The following ZNF215 variants were observed in gnomAD, a reference collection of about 807,000 sequenced individuals.
The protein encoded by ZNF215 is BWSCR2-associated zinc finger protein 2.
Under a neutral mutation model 27.2 loss-of-function variants are expected in ZNF215, and 24 were observed. The observed-to-expected ratio is 0.88, with a 90% CI of 0.64 to 1.24. The LOEUF (loss-of-function observed/expected upper bound fraction) is 1.24, where lower values mean the gene tolerates loss of function less well. Among genes scored for constraint, ZNF215 ranks in the 50% most tolerant of loss-of-function variants. The pLI, the probability that ZNF215 is intolerant of heterozygous loss-of-function variation, is 0.00. For missense variants in ZNF215, 675 were observed against 605.7 expected (o/e 1.11, Z -1.20); for synonymous variants, 210 against 204.0 (o/e 1.03, Z -0.25).
rs1590045417 is a variant in ZNF215 at position 6,932,618 on chromosome 11, A to G, written c.346A>G (p.Ser116Gly). Residue 116 changes from serine (S) to glycine (G), a missense_variant, in exon 3 of 7, where the codon AGT becomes GGT. Transcript: ENST00000278319. ...GGTGAATTTACAACATCCAAACAAC[A>G]GTAAAGATATGGTGACCCTCATAGA... ...TWVNLQHPNN[S>G]KDMVTLIEDV... 2.5e-6 allele frequency: 4 copies of G among 1,614,148 alleles called. No homozygotes were observed. Among genetic ancestry groups the G allele is most frequent in the Non-Finnish European group, 2.5e-6 (3 of 1,179,988 alleles).
At chr11:6,927,496 G>A (rs1849096128) in intron 1 of ZNF215, among the ~76,000 whole-genome samples, 166 bp from the exon 2 acceptor site, 1 of 152,152 alleles carries the variant, frequency 6.6e-6, no homozygotes, top group Admixed American at 6.5e-5. Context: ...CCGTAGAACT[G>A]GTGCCACCTG....
At chr11:6,972,730 G>C (rs1373958180) in intron 5 of ZNF215, among the ~76,000 whole-genome samples, 2 of 152,182 alleles carry the variant, frequency 1.3e-5, no homozygotes, top group Non-Finnish European at 2.9e-5. Context: ...AATTTTGACA[G>C]AGATGAAACT....
At chr11:6,966,208 C>T (rs1448877467) in intron 5 of ZNF215, among the ~76,000 whole-genome samples, 2 of 152,052 alleles carry the variant, frequency 1.3e-5, no homozygotes, top group African/African-American at 2.4e-5. Flanking sequence ...TCCTTTGCAG[C>T]GGCATGGATG....
chr11:6,938,241 G>C (rs1415583157), intron 3 of ZNF215, among the ~76,000 whole-genome samples: 2 of 151,992 alleles, frequency 1.3e-5, no homozygotes, highest in East Asian at 1.9e-4. Context: ...AGGAATAAAT[G>C]TTCAGGATCA....
intron 6 of ZNF215, among the ~76,000 whole-genome samples, chr11:6,950,068 C>G (rs990829463): frequency 6.6e-6 from 1 of 151,656 alleles, no homozygotes; most frequent in Non-Finnish European, 1.5e-5. Flanking sequence ...TTTCTGAGGG[C>G]TCTGTTCTGT....
At chr11:6,930,095 TTC>T (rs1849196854) in intron 2 of ZNF215, among the ~76,000 whole-genome samples, 1 of 140,378 alleles carries the variant, frequency 7.1e-6, no homozygotes, top group South Asian at 2.1e-4. Flanking sequence ...ATGTTTCAGT[TTC>T]TTTTTTTTTT....
At chr11:6,969,024 C>G (rs1729431551) in intron 5 of ZNF215, among the ~76,000 whole-genome samples, 1 of 152,166 alleles carries the variant, frequency 6.6e-6, no homozygotes, top group African/African-American at 2.4e-5. Flanking sequence ...GAATTAGTCA[C>G]TGGCCATATC....
intron 6 of ZNF215, among the ~76,000 whole-genome samples, chr11:6,947,556 TAACAA>T (rs1255558311): frequency 6.6e-6 from 1 of 151,774 alleles, no homozygotes; most frequent in Non-Finnish European, 1.5e-5. Context: ...AATAAATAAA[TAACAA>T]AATAAAAAAC....
chr11:6,933,919 G>A lies in ZNF215; in HGVS notation c.400+1247G>A, dbSNP rs1425430279. Among the ~76,000 whole-genome samples, 9 of 152,024 alleles carry A rather than the reference G, an allele frequency of 5.9e-5. No homozygotes were observed. In the East Asian group the frequency reaches 1.7e-3, roughly 29 times the overall value. On this transcript the variant is annotated intron_variant, in intron 3 of 6. Transcript: ENST00000278319. ...ATCCAAACTGGGAAACTATAAGACA[G>A]TCCAGTTTTTAAGGGAATAGGGAGG...
intron 6 of ZNF215, among the ~76,000 whole-genome samples, chr11:6,953,405 C>T (rs1850171084): frequency 6.6e-6 from 1 of 152,186 alleles, no homozygotes; most frequent in Non-Finnish European, 1.5e-5. Flanking sequence ...TTCACATAGT[C>T]CCATATTTCT....
chr11:6,992,966 T>G (rs1201143368), downstream of ZNF215, among the ~76,000 whole-genome samples: 1 of 152,226 alleles, frequency 6.6e-6, no homozygotes, highest in African/African-American at 2.4e-5. Context: ...TAAACTCCTA[T>G]GATGGCAGAA....
At chr11:6,941,834 C>T (rs534161539) in intron 4 of ZNF215, among the ~76,000 whole-genome samples, 181 bp downstream of exon 4, 1 of 152,294 alleles carries the variant, frequency 6.6e-6, no homozygotes, top group South Asian at 2.1e-4. Context: ...CATATAGTCT[C>T]TGTGTATCTG....
intron 5 of ZNF215, among the ~76,000 whole-genome samples, chr11:6,968,333 T>A (rs1158997525): frequency 1.3e-5 from 2 of 152,184 alleles, no homozygotes; most frequent in Non-Finnish European, 2.9e-5. Flanking sequence ...AAGTCAGTGG[T>A]AGCTTCATGG....
intron 5 of ZNF215, chr11:6,984,034 A>G (rs912279053): frequency 5.8e-6 from 2 of 342,684 alleles, no homozygotes; most frequent in East Asian, 2.2e-4. Flanking sequence ...TATAAAAATT[A>G]ACATACTCTC....
At chr11:6,972,726 G>A (rs545115677) in intron 5 of ZNF215, among the ~76,000 whole-genome samples, 15 of 152,234 alleles carry the variant, frequency 9.9e-5, no homozygotes, top group Middle Eastern at 3.4e-3. Flanking sequence ...AAGAAATTTT[G>A]ACAGAGATGA....
chr11:6,953,558 G>T (rs1850181397), intron 6 of ZNF215, among the ~76,000 whole-genome samples: 1 of 152,044 alleles, frequency 6.6e-6, no homozygotes, highest in South Asian at 2.1e-4. Context: ...TCTTCACATA[G>T]TTCTCGAGCC....
chr11:6,976,858 T>G (rs1178088162), intron 5 of ZNF215, among the ~76,000 whole-genome samples: 1 of 152,080 alleles, frequency 6.6e-6, no homozygotes, highest in African/African-American at 2.4e-5. Flanking sequence ...ACTTAATGGC[T>G]TAAAACAACT....
chr11:6,979,946 T>G (rs1484175607), intron 5 of ZNF215, among the ~76,000 whole-genome samples: 1 of 152,146 alleles, frequency 6.6e-6, no homozygotes, highest in African/African-American at 2.4e-5. Flanking sequence ...TTCAACCAAC[T>G]TCCTGAAACA....
In ZNF215 at chr11:6,956,174, C is replaced by T; in HGVS notation, c.1197C>T (p.Ile399=). The T allele has an allele frequency of 6.2e-7, 1 of 1,613,542 alleles. No homozygotes were observed. ...CRSSSLIRHQ[I]IHTGEKPYKC... The stretch of plus-strand genomic sequence containing the variant: ...GTTCATCCCTTATTCGACATCAGAT[C>T]ATTCACACAGGAGAGAAACCCTATA... The change falls in exon 7 of 7, where the codon ATC becomes ATT. Residue 399 remains isoleucine (I), a synonymous_variant. Coordinates refer to ENST00000278319, the MANE Select transcript of ZNF215 (RefSeq NM_013250.4).
Sources: gnomAD v4.1 joint callset for allele counts (sites outside exome capture counted in the v4.1 genomes callset) on GRCh38, gnomAD v4.1.1 for gene constraint, MANE v1.5 for transcripts, NCBI Gene and HGNC (gene_info 2026-07-23, HGNC 2026-07-21) for gene names.